Variants in STXBP5L observed in about 807,000 individuals in gnomAD.
STXBP5L encodes the protein syntaxin binding protein 5L.
In STXBP5L, 65 loss-of-function variants were observed where a neutral mutation model predicts 144.5. That is an observed-to-expected ratio of 0.45 (90% confidence interval 0.37 to 0.55). The LOEUF is 0.55. STXBP5L is among the 20% of genes least tolerant of loss of function. The pLI is 0.00. For missense variants in STXBP5L, 1,298 were observed against 1,405.5 expected, an observed-to-expected ratio of 0.92 and a Z score of 1.22; for synonymous variants, 505 against 469.6, an observed-to-expected ratio of 1.08 and a Z score of -0.97.
chr3:120,985,214 G>T (rs1452053582), intron 3 of STXBP5L, among the ~76,000 whole-genome samples: 2 of 151,756 alleles, frequency 1.3e-5, no homozygotes, highest in African/African-American at 4.8e-5. Context: ...TCAGTATTTT[G>T]GAAAAGTTTG....
At chr3:120,929,984 T>C (rs1255098334) in intron 2 of STXBP5L, among the ~76,000 whole-genome samples, 1 of 151,832 alleles carries the variant, frequency 6.6e-6, no homozygotes, top group Non-Finnish European at 1.5e-5. Context: ...ATTAAATTGA[T>C]CAATCTTTTA....
rs771209422 is a variant in STXBP5L, at chr3:121,381,520, G to A, written c.2575G>A (p.Val859Ile). ...DEQRFTEPVMVLPSGTFLSLK... is the reference protein window; with the variant it reads ...DEQRFTEPVMILPSGTFLSLK... The stretch of plus-strand genomic sequence containing the variant: ...ACAAAGGTTTACAGAGCCAGTCATG[G>A]TATTGCCAAGTGGTAAGAGTTTGTA... The change falls in exon 22 of 27, where the codon GTA becomes ATA. Residue 859 changes from valine (V) to isoleucine (I), a missense_variant. Coordinates refer to ENST00000471454, the MANE Select transcript of STXBP5L (RefSeq NM_001308330.2). The A allele has an allele frequency of 1.3e-6, 2 of 1,591,160 alleles. No individual in the cohort carries two copies. The highest frequency in any genetic ancestry group is 1.4e-5 in the African/African-American group (1 of 73,502).
intron 3 of STXBP5L, among the ~76,000 whole-genome samples, chr3:121,033,655 C>A (rs1204643400): frequency 6.6e-6 from 1 of 151,066 alleles, no homozygotes; most frequent in Non-Finnish European, 1.5e-5. Flanking sequence ...TGGTGTTAAA[C>A]CAATACATTA....
intron 20 of STXBP5L, among the ~76,000 whole-genome samples, chr3:121,355,100 C>G (rs967854596): frequency 3.3e-5 from 5 of 152,188 alleles, no homozygotes; most frequent in African/African-American, 9.7e-5. Flanking sequence ...CTCGACCTTT[C>G]TCTCTGGCTG....
At chr3:121,131,026 C>T (rs2044963701) in intron 7 of STXBP5L, among the ~76,000 whole-genome samples, 1 of 151,834 alleles carries the variant, frequency 6.6e-6, no homozygotes, top group Non-Finnish European at 1.5e-5. Context: ...AGGAAACAGA[C>T]ATAAAGAGAT....
chr3:121,354,054 T>C (rs1380042874), intron 20 of STXBP5L, among the ~76,000 whole-genome samples: 1 of 152,220 alleles, frequency 6.6e-6, no homozygotes, highest in African/African-American at 2.4e-5. Context: ...AGACAGTTTG[T>C]TGTGATTTCT....
At chr3:121,355,856 C>G (rs975435960) in intron 20 of STXBP5L, among the ~76,000 whole-genome samples, 2 of 152,146 alleles carry the variant, frequency 1.3e-5, no homozygotes, top group Non-Finnish European at 2.9e-5. Flanking sequence ...TGTTGGTGAC[C>G]TACAGATGGG....
At chr3:120,996,069 G>A (rs901920115) in intron 3 of STXBP5L, among the ~76,000 whole-genome samples, 4 of 152,068 alleles carry the variant, frequency 2.6e-5, no homozygotes, top group African/African-American at 9.7e-5. Context: ...CCTGAAAAAT[G>A]TAACGTCTCC....
intron 5 of STXBP5L, among the ~76,000 whole-genome samples, chr3:121,110,151 C>T (rs2043910105): frequency 6.6e-6 from 1 of 152,146 alleles, no homozygotes; most frequent in East Asian, 1.9e-4. Flanking sequence ...TGGGTCTTGA[C>T]TCTTTACCAG....
Position 121,316,731 on chromosome 3 carries a change from G to T in STXBP5L, c.2111-1744G>T, listed in dbSNP as rs78419351. ...AGGCATTCAATAAATTTGATTCACTGACTCAACTTACAGTGATGTCTTTAA... is the reference window on the plus strand; with the variant it reads ...AGGCATTCAATAAATTTGATTCACTTACTCAACTTACAGTGATGTCTTTAA... On this transcript the variant is annotated intron_variant, in intron 19 of 26. Coordinates refer to ENST00000471454, the MANE Select transcript of STXBP5L (RefSeq NM_001308330.2). Among the ~76,000 whole-genome samples the T allele has an allele frequency of 5.1e-3, 784 of 152,284 alleles. 4 individuals are homozygous for T. The East Asian group carries it at 0.057, about 11-fold the overall frequency.
chr3:121,005,430 A>T (rs1216264398), intron 3 of STXBP5L, among the ~76,000 whole-genome samples: 1 of 151,530 alleles, frequency 6.6e-6, no homozygotes, highest in Non-Finnish European at 1.5e-5. Flanking sequence ...CGTCTATTTG[A>T]TTCTTCTCTC....
At position 120,981,492 on chromosome 3, in the gene STXBP5L, C is replaced by G. The variant is rs186719545; in HGVS notation, c.287+26455C>G. The stretch of plus-strand genomic sequence containing the variant: ...TAGCCTATTATTAGGGCTTTGATCT[C>G]TATATTGTGGTTCCTTTAATGAATT... On this transcript the variant is annotated intron_variant, in intron 3 of 26. Transcript: ENST00000471454. Among the ~76,000 whole-genome samples the G allele has an allele frequency of 9.8e-4, 149 of 152,056 alleles. 1 individual carries two copies. The highest frequency in any genetic ancestry group is 3.2e-3 in the African/African-American group (133 of 41,492).
At chr3:121,247,043 T>A (rs191831753) in intron 14 of STXBP5L, among the ~76,000 whole-genome samples, 2 of 152,202 alleles carry the variant, frequency 1.3e-5, no homozygotes, top group African/African-American at 4.8e-5. Context: ...ATTATCAAAC[T>A]GTACACTCCC....
chr3:121,218,374 A>C (rs1294146359), intron 10 of STXBP5L, among the ~76,000 whole-genome samples: 1 of 145,694 alleles, frequency 6.9e-6, no homozygotes, highest in Non-Finnish European at 1.5e-5. Context: ...TATACTATAT[A>C]ATATATAGTA....
At chr3:121,066,149 C>G (rs143412699) in intron 5 of STXBP5L, among the ~76,000 whole-genome samples, 2 of 152,248 alleles carry the variant, frequency 1.3e-5, no homozygotes, top group Non-Finnish European at 2.9e-5. Flanking sequence ...TGAGGTGGGA[C>G]TCATGGAAAC....
intron 7 of STXBP5L, among the ~76,000 whole-genome samples, chr3:121,124,893 T>G (rs963019305): frequency 6.6e-6 from 1 of 152,146 alleles, no homozygotes; most frequent in Non-Finnish European, 1.5e-5. Context: ...TTGTTGCAGG[T>G]CCTTGATTGC....
intron 9 of STXBP5L, among the ~76,000 whole-genome samples, chr3:121,169,018 G>C (rs2046604983): frequency 6.6e-6 from 1 of 152,158 alleles, no homozygotes; most frequent in Non-Finnish European, 1.5e-5. Context: ...AGCCAGAAGA[G>C]AGTGGGGACC....
At chr3:121,404,239 A>G (rs2046947017) in intron 22 of STXBP5L, among the ~76,000 whole-genome samples, 1 of 151,986 alleles carries the variant, frequency 6.6e-6, no homozygotes, top group Non-Finnish European at 1.5e-5. Flanking sequence ...CTTGACCCCC[A>G]TATTTCTTTC....
intron 5 of STXBP5L, chr3:121,098,974 G>A (rs1252276382): frequency 6.6e-6 from 1 of 151,952 alleles, no homozygotes; most frequent in Non-Finnish European, 1.5e-5. Flanking sequence ...GTGCATTCTG[G>A]ACTCCAAATA....
Sources: allele counts gnomAD v4.1 joint callset (sites outside exome capture counted in the v4.1 genomes callset), GRCh38; gene constraint gnomAD v4.1.1; transcripts MANE v1.5; gene names NCBI Gene and HGNC (gene_info 2026-07-23, HGNC 2026-07-21).